HIVEP1: variants seen among roughly 807,000 people sequenced by gnomAD.
The protein encoded by HIVEP1 is HIVEP zinc finger 1.
A neutral mutation model predicts 180.0 loss-of-function variants in HIVEP1; 36 were observed. The observed-to-expected ratio is 0.20, with a 90% confidence interval of 0.15 to 0.26. HIVEP1 has a LOEUF of 0.26. Ranked by LOEUF, HIVEP1 falls within the 10% of genes least tolerant of loss-of-function variation. HIVEP1 has a pLI of 1.00. For missense variants in HIVEP1, 3,143 were observed against 3,268.7 expected (o/e 0.96, Z 0.94); for synonymous variants, 1,239 against 1,239.0 (o/e 1.00, Z 0.00).
In HIVEP1 at chr6:12,124,983, T is replaced by A. The variant is rs762860565; in HGVS notation, c.5188T>A (p.Ser1730Thr). 1.2e-6 allele frequency: 2 copies of A among 1,614,144 alleles called. No individual in the cohort carries two copies. Among genetic ancestry groups the A allele is most frequent in the Non-Finnish European group, 1.7e-6 (2 of 1,180,036 alleles). Residue 1730 changes from serine to threonine, a missense_variant, in exon 4 of 9, where the codon TCT becomes ACT. This residue lies in a region of HIVEP1 where 1,357 missense variants were observed against 1,260.5 expected (regional missense o/e 1.08). Transcript: ENST00000379388. Reference protein sequence around the residue: ...SESLPITQKISVGRLSPQQES... With the variant: ...SESLPITQKITVGRLSPQQES... ...ATCCTTGCCCATAACTCAGAAAATA[T>A]CTGTTGGTCGACTTTCCCCTCAACA... is the stretch of plus-strand genomic sequence containing the variant.
intron 2 of HIVEP1, among the ~76,000 whole-genome samples, chr6:12,051,001 C>CATATATATATATAT (rs1161977899): frequency 0.088 from 6,740 of 76,870 alleles, 644 homozygotes; most frequent in Middle Eastern, 0.11. Context: ...TACACAAGTG[C>CATATATATATATAT]ATATATATAT....
At chr6:12,097,826 G>A (rs1773865636) in intron 3 of HIVEP1, among the ~76,000 whole-genome samples, 1 of 152,080 alleles carries the variant, frequency 6.6e-6, no homozygotes, top group African/African-American at 2.4e-5. Flanking sequence ...TAAAATAAAT[G>A]TCTTCAAATA....
chr6:12,091,392 C>G (rs1773464688), intron 3 of HIVEP1, among the ~76,000 whole-genome samples: 1 of 152,074 alleles, frequency 6.6e-6, no homozygotes, highest in African/African-American at 2.4e-5. Flanking sequence ...AAGGCTTTGT[C>G]TCCATTAAAG....
At chr6:12,184,628 G>A in the HIVEP1 span, among the ~76,000 whole-genome samples, 864 of 152,052 alleles carry the variant, frequency 5.7e-3, 5 homozygotes, top group African/African-American at 0.02. Context: ...AATTTGAACC[G>A]CAGCCCTTTG....
the HIVEP1 span, among the ~76,000 whole-genome samples, chr6:12,174,863 T>A: frequency 6.8e-6 from 1 of 148,046 alleles, no homozygotes; most frequent in Non-Finnish European, 1.5e-5. Context: ...ACATGCCAAA[T>A]GTATTTGTAA....
the HIVEP1 span, among the ~76,000 whole-genome samples, chr6:12,202,604 T>G: frequency 6.6e-6 from 1 of 152,342 alleles, no homozygotes; most frequent in East Asian, 1.9e-4. Context: ...TTCCTGTTCC[T>G]TTTCTCTTTT....
rs1486752985 is a variant in HIVEP1, at chr6:12,123,981, C to T, written c.4186C>T (p.Pro1396Ser). ...KSFDCGSITP[P>S]QTTPLTELQP... ...ATTCGATTGTGGAAGCATCACCCCA[C>T]CCCAGACAACACCACTTACTGAATT... The change falls in exon 4 of 9, where the codon CCC becomes TCC. Residue 1396 changes from proline to serine, a missense_variant. Around this residue, in one of 12 missense-constraint regions of HIVEP1, gnomAD observed 1,357 missense variants for 1,260.5 expected, o/e 1.08. Transcript: ENST00000379388. The T allele has an allele frequency of 2.5e-6, 4 of 1,614,106 alleles. No homozygotes were observed. Among genetic ancestry groups the T allele is most frequent in the South Asian group, 1.1e-5 (1 of 91,060 alleles).
chr6:12,139,176 G>A (rs1758863638), intron 7 of HIVEP1, among the ~76,000 whole-genome samples: 1 of 151,958 alleles, frequency 6.6e-6, no homozygotes, highest in South Asian at 2.1e-4. Context: ...GCACTGGTCA[G>A]GCACCCACCA....
At chr6:12,042,317 A>G (rs1190238724) in intron 2 of HIVEP1, among the ~76,000 whole-genome samples, 15 of 145,762 alleles carry the variant, frequency 1.0e-4, no homozygotes, top group South Asian at 2.2e-4. Flanking sequence ...TCCTGACCTC[A>G]TGATCCACCC....
chr6:12,136,551 G>A (rs542908261), intron 7 of HIVEP1, among the ~76,000 whole-genome samples: 5 of 152,192 alleles, frequency 3.3e-5, no homozygotes, highest in East Asian at 1.9e-4. Context: ...GATTATTCAC[G>A]CACTCACCTG....
upstream of HIVEP1, chr6:12,012,184 CG>C (rs1223279453): frequency 7.0e-6 from 1 of 143,230 alleles, no homozygotes; most frequent in Non-Finnish European, 1.5e-5. Context: ...GCCGTGGCTC[CG>C]GGCGCCGGCG....
chr6:12,080,103 G>C (rs941667689), intron 2 of HIVEP1, among the ~76,000 whole-genome samples: 9 of 152,058 alleles, frequency 5.9e-5, no homozygotes, highest in Non-Finnish European at 1.0e-4. Flanking sequence ...ATGTAGAAAG[G>C]GTCATCAAAG....
chr6:12,059,787 T>C (rs1771112908), intron 2 of HIVEP1, among the ~76,000 whole-genome samples: 1 of 152,178 alleles, frequency 6.6e-6, no homozygotes, highest in Non-Finnish European at 1.5e-5. Context: ...CCACTGCCTC[T>C]GAGTGGCCCT....
intron 2 of HIVEP1, among the ~76,000 whole-genome samples, chr6:12,058,526 G>A (rs558632147): frequency 2.2e-4 from 34 of 152,308 alleles, no homozygotes; most frequent in African/African-American, 6.5e-4. Flanking sequence ...CAAATATTGC[G>A]TTAGATATTA....
intron 6 of HIVEP1, among the ~76,000 whole-genome samples, chr6:12,135,570 A>G (rs2113587480): frequency 6.6e-6 from 1 of 152,362 alleles, no homozygotes; most frequent in East Asian, 1.9e-4. Context: ...AGATGTTATC[A>G]AAGTAGAGGA....
intron 7 of HIVEP1, among the ~76,000 whole-genome samples, chr6:12,136,230 C>T (rs1451324916): frequency 6.6e-6 from 1 of 152,102 alleles, no homozygotes; most frequent in Non-Finnish European, 1.5e-5. Flanking sequence ...ACCTACTTCT[C>T]TACCCTTCTC....
the HIVEP1 span, among the ~76,000 whole-genome samples, chr6:12,175,875 TGG>T: frequency 6.6e-6 from 1 of 152,184 alleles, no homozygotes; most frequent in Non-Finnish European, 1.5e-5. Context: ...CTGGCTCTTC[TGG>T]GGTTGACTTT....
chr6:12,044,412 C>T (rs988720956), intron 2 of HIVEP1, among the ~76,000 whole-genome samples: 1 of 152,164 alleles, frequency 6.6e-6, no homozygotes, highest in Non-Finnish European at 1.5e-5. Context: ...CAAAGGGTAC[C>T]TTGGGAAGCT....
intron 7 of HIVEP1, among the ~76,000 whole-genome samples, chr6:12,137,899 T>C (rs1758793196): frequency 6.6e-6 from 1 of 152,272 alleles, no homozygotes; most frequent in East Asian, 1.9e-4. Flanking sequence ...TTTTGTTGTG[T>C]GTACTCATGT....
Sources: gnomAD v4.1 joint callset for allele counts (sites outside exome capture counted in the v4.1 genomes callset) on GRCh38, gnomAD v4.1.1 for gene constraint, gnomAD v4.1.1 regional missense constraint, MANE v1.5 for transcripts, NCBI Gene and HGNC (gene_info 2026-07-23, HGNC 2026-07-21) for gene names.